The following SLCO1B3 variants were observed in gnomAD, a reference collection of about 807,000 sequenced individuals.
SLCO1B3 encodes the protein liver-specific organic anion transporter 2.
SLCO1B3 carries 72 observed loss-of-function variants against 71.8 expected under a neutral mutation model. The observed-to-expected ratio is 1.00, with a 90% confidence interval of 0.83 to 1.22. The LOEUF (loss-of-function observed/expected upper bound fraction) is 1.22. SLCO1B3 is among the 50% of genes most tolerant of loss of function. SLCO1B3 has a pLI of 0.00. For synonymous variants in SLCO1B3, 298 were observed against 278.4 expected (o/e 1.07, Z -0.70); for missense variants, 911 against 819.7 (o/e 1.11, Z -1.36).
At chr12:20,858,663 C>T (rs1865191375) in intron 5 of SLCO1B3, 92 bp downstream of exon 5, 3 of 1,204,026 alleles carry the variant, frequency 2.5e-6, no homozygotes, top group Non-Finnish European at 3.5e-6. Context: ...GGGCAGTTAC[C>T]TTTTGAGAGG....
intron 13 of SLCO1B3, among the ~76,000 whole-genome samples, chr12:20,897,775 TC>T (rs1591787815): frequency 6.6e-6 from 1 of 152,168 alleles, no homozygotes; most frequent in East Asian, 1.9e-4. Context: ...TAATTTCATT[TC>T]TCTTGGTATG....
At chr12:20,857,645 T>TA (rs952274739) in intron 4 of SLCO1B3, among the ~76,000 whole-genome samples, 2 of 152,182 alleles carry the variant, frequency 1.3e-5, no homozygotes, top group East Asian at 1.9e-4. Context: ...GGATTTTTTT[T>TA]AAAAAAAGTT....
chr12:20,822,060 G>T (rs376704813), intron 3 of SLCO1B3, among the ~76,000 whole-genome samples: 8 of 152,212 alleles, frequency 5.3e-5, no homozygotes, highest in Admixed American at 5.2e-4. Context: ...TTGGTGAGAT[G>T]TTTCTTGGGC....
chr12:20,908,703 T>G (rs1866305988), intron 15 of SLCO1B3, among the ~76,000 whole-genome samples: 1 of 152,220 alleles, frequency 6.6e-6, no homozygotes, highest in African/African-American at 2.4e-5. Context: ...TGTACTTGTT[T>G]GTATTGCTTG....
At chr12:20,858,354 A>AT (rs1865184437) in intron 4 of SLCO1B3, 85 bp from the exon 5 acceptor site, 1 of 911,006 alleles carries the variant, frequency 1.1e-6, no homozygotes, top group African/African-American at 1.6e-5. Flanking sequence ...TGTCTTGGGC[A>AT]TATTTGCATT....
rs1363147351 is a variant in SLCO1B3, at chr12:20,916,385, T to C, written c.*138T>C. The C allele has an allele frequency of 2.6e-6, 2 of 755,278 alleles. No individual in the cohort carries two copies. The highest frequency in any genetic ancestry group is 1.8e-5 in the African/African-American group (1 of 56,534). The allele number at this position is 755,278 out of a possible 1,614,324, so 46.8% of individuals were successfully genotyped here. ...AAACTATAAAAAATGGGAGTACCCA[T>C]GGTTAGGATATAGCTATGCCTTTAT... On this transcript the variant is annotated 3_prime_UTR_variant, in exon 16 of 16. Coordinates refer to ENST00000381545, the MANE Select transcript of SLCO1B3 (RefSeq NM_019844.4).
chr12:20,907,393 C>G (rs1294946411), intron 15 of SLCO1B3, among the ~76,000 whole-genome samples: 1 of 148,540 alleles, frequency 6.7e-6, no homozygotes, highest in Non-Finnish European at 1.5e-5. Context: ...TTCCTCCCTC[C>G]CTCCCCTTCC....
chr12:20,851,487 G>T (rs529772247), intron 3 of SLCO1B3, among the ~76,000 whole-genome samples: 91 of 152,222 alleles, frequency 6.0e-4, no homozygotes, highest in African/African-American at 2.1e-3. Context: ...GTTTATTCAA[G>T]TCCTTTGTCC....
intron 10 of SLCO1B3, among the ~76,000 whole-genome samples, chr12:20,878,981 G>T (rs937502765): frequency 7.2e-5 from 11 of 152,182 alleles, no homozygotes; most frequent in African/African-American, 2.6e-4. Flanking sequence ...TTAGATGGTA[G>T]GATAGAAATC....
At chr12:20,824,291 T>G (rs1160895616) in intron 3 of SLCO1B3, among the ~76,000 whole-genome samples, 1 of 152,214 alleles carries the variant, frequency 6.6e-6, no homozygotes, top group Non-Finnish European at 1.5e-5. Context: ...GTTTGGTCCA[T>G]GCAATTAACT....
chr12:20,851,191 A>G (rs905768031), intron 3 of SLCO1B3, among the ~76,000 whole-genome samples: 7 of 152,198 alleles, frequency 4.6e-5, no homozygotes, highest in Non-Finnish European at 1.0e-4. Context: ...TACACAGAAG[A>G]AGGATTGATG....
intron 15 of SLCO1B3, among the ~76,000 whole-genome samples, chr12:20,907,757 C>T (rs1416919412): frequency 6.6e-6 from 1 of 151,956 alleles, no homozygotes; most frequent in Non-Finnish European, 1.5e-5. Context: ...GGCCCGCCCA[C>T]CTCAGTCTCC....
intron 3 of SLCO1B3, chr12:20,845,190 T>C: frequency 2.6e-6 from 1 of 390,032 alleles, no homozygotes; most frequent in Non-Finnish European, 5.2e-6. Context: ...GGTAGCCACA[T>C]GGGAGAAGCA....
intron 3 of SLCO1B3, among the ~76,000 whole-genome samples, chr12:20,836,293 C>T (rs1319590102): frequency 6.6e-6 from 1 of 152,168 alleles, no homozygotes; most frequent in African/African-American, 2.4e-5. Flanking sequence ...TGATAGATTA[C>T]ATGAATTGAT....
intron 3 of SLCO1B3, among the ~76,000 whole-genome samples, chr12:20,821,715 C>A (rs960042621): frequency 6.6e-6 from 1 of 151,998 alleles, no homozygotes; most frequent in Admixed American, 6.5e-5. Flanking sequence ...GCCCCTCCCC[C>A]AGAAAAGCGG....
At chr12:20,829,998 A>G (rs11045534) in intron 3 of SLCO1B3, among the ~76,000 whole-genome samples, 68,124 of 151,970 alleles carry the variant, frequency 0.45, 17,706 homozygotes, top group South Asian at 0.64. Flanking sequence ...TTTGTGACCT[A>G]TATTTTGTGC....
chr12:20,861,497 A>G (rs1865264627), intron 6 of SLCO1B3, among the ~76,000 whole-genome samples: 1 of 152,198 alleles, frequency 6.6e-6, no homozygotes, highest in African/African-American at 2.4e-5. Context: ...TAGTGTACAA[A>G]TGGATTATTG....
chr12:20,840,375 C>T (rs1864769052), intron 3 of SLCO1B3, among the ~76,000 whole-genome samples: 1 of 146,348 alleles, frequency 6.8e-6, no homozygotes, highest in African/African-American at 2.5e-5. Flanking sequence ...CCATAAATTT[C>T]ACAAATGCTT....
intron 12 of SLCO1B3, among the ~76,000 whole-genome samples, chr12:20,882,214 T>C (rs7971044): frequency 0.72 from 110,077 of 151,958 alleles, 42,461 homozygotes; most frequent in South Asian, 0.9. Context: ...ATGGCTATGC[T>C]ATGTGGGGGC....
Sources: gnomAD v4.1 joint callset for allele counts (sites outside exome capture counted in the v4.1 genomes callset) on GRCh38, gnomAD v4.1.1 for gene constraint, MANE v1.5 for transcripts, NCBI Gene and HGNC (gene_info 2026-07-23, HGNC 2026-07-21) for gene names.